PALM2AKAP2: variants seen among roughly 807,000 people sequenced by gnomAD.
PALM2AKAP2 encodes PALM2 and AKAP2 fusion, also known as PALM2-AKAP2 fusion protein.
PALM2AKAP2 carries 37 observed loss-of-function variants against 71.5 expected under a neutral mutation model. The ratio of observed to expected loss-of-function variants is 0.52; its 90% CI spans 0.40 to 0.68. The LOEUF (loss-of-function observed/expected upper bound fraction) is 0.68. Among genes scored for constraint, PALM2AKAP2 ranks in the 30% least tolerant of loss-of-function variants. The pLI, the probability that PALM2AKAP2 is intolerant of heterozygous loss-of-function variation, is 0.00. For missense variants in PALM2AKAP2, 1,224 were observed against 1,191.8 expected, an observed-to-expected ratio of 1.03 and a Z score of -0.40; for synonymous variants, 468 against 478.8, an observed-to-expected ratio of 0.98 and a Z score of 0.29.
intron 1 of PALM2AKAP2, among the ~76,000 whole-genome samples, chr9:109,667,878 A>G (rs536655763): frequency 1.7e-4 from 25 of 151,186 alleles, no homozygotes; most frequent in Middle Eastern, 6.8e-3. Flanking sequence ...TAAACAAATG[A>G]GGTAATATGC....
At chr9:109,816,200 A>G (rs756287390) in intron 1 of PALM2AKAP2, among the ~76,000 whole-genome samples, 4 of 152,172 alleles carry the variant, frequency 2.6e-5, no homozygotes, top group African/African-American at 4.8e-5. Context: ...TAGGTGTTTG[A>G]TCTTGGGAAA....
intron 1 of PALM2AKAP2, among the ~76,000 whole-genome samples, chr9:109,695,036 A>T (rs1587870971): frequency 6.6e-6 from 1 of 152,170 alleles, no homozygotes; most frequent in Non-Finnish European, 1.5e-5. Flanking sequence ...AATAAATTCC[A>T]GCCAGATCAA....
chr9:109,833,652 A>G (rs908138192), intron 1 of PALM2AKAP2, among the ~76,000 whole-genome samples: 8 of 152,174 alleles, frequency 5.3e-5, no homozygotes, highest in Non-Finnish European at 1.5e-5. Flanking sequence ...TGGTGGGACA[A>G]TTCTTCACTG....
intron 6 of PALM2AKAP2, chr9:109,945,935 A>G (rs1481075814): frequency 6.6e-6 from 1 of 152,252 alleles, no homozygotes; most frequent in Non-Finnish European, 1.5e-5. Context: ...TGATTAGCAA[A>G]TTATATGAAT....
intron 3 of PALM2AKAP2, among the ~76,000 whole-genome samples, chr9:109,888,875 G>A (rs1281799274): frequency 6.6e-6 from 1 of 152,044 alleles, no homozygotes; most frequent in East Asian, 1.9e-4. Flanking sequence ...TAGCATCCCT[G>A]GCCTCTACCT....
At chr9:110,036,020 C>T (rs1047153093) in intron 7 of PALM2AKAP2, among the ~76,000 whole-genome samples, 5 of 151,990 alleles carry the variant, frequency 3.3e-5, no homozygotes, top group Non-Finnish European at 7.4e-5. Context: ...CAGCTCACTG[C>T]AAGCTCCACC....
In PALM2AKAP2 at chr9:110,003,979, G is replaced by A. The variant is rs567944517; in HGVS notation, c.497-11975G>A. Among the ~76,000 whole-genome samples, 3 of 152,132 alleles carry A rather than the reference G, an allele frequency of 2.0e-5. No individual in the cohort carries two copies. In the East Asian group the frequency reaches 5.8e-4, roughly 29 times the overall value. On this transcript the variant is annotated intron_variant, in intron 6 of 9. Transcript: ENST00000302798. ...GCACACTGATGGGTCTTGACTCTTT[G>A]TCTAATTTGCCAGTCTGTGTCTTTT...
chr9:109,763,875 T>C (rs921211494), intron 1 of PALM2AKAP2, among the ~76,000 whole-genome samples: 1 of 152,138 alleles, frequency 6.6e-6, no homozygotes, highest in African/African-American at 2.4e-5. Context: ...TGTGTGTGTG[T>C]CTTAAATCTC....
At chr9:109,844,894 G>T (rs1184338667) in intron 1 of PALM2AKAP2, among the ~76,000 whole-genome samples, 1 of 151,386 alleles carries the variant, frequency 6.6e-6, no homozygotes, top group Non-Finnish European at 1.5e-5. Flanking sequence ...GGTCACAGGT[G>T]GCAGTCTTGT....
chr9:110,080,746 T>C (rs1834432099), intron 1 of PALM2AKAP2, among the ~76,000 whole-genome samples: 2 of 152,234 alleles, frequency 1.3e-5, no homozygotes, highest in South Asian at 4.1e-4. Context: ...TGGTGCGATC[T>C]TGGCTCACCA....
chr9:109,776,467 T>C (rs1037535886), upstream of PALM2AKAP2, among the ~76,000 whole-genome samples: 10 of 152,180 alleles, frequency 6.6e-5, no homozygotes, highest in African/African-American at 2.4e-4. Flanking sequence ...GAAGGAAGCT[T>C]GGGCAATGGG....
chr9:109,789,897 A>G (rs1189454763), intron 1 of PALM2AKAP2, among the ~76,000 whole-genome samples: 1 of 152,244 alleles, frequency 6.6e-6, no homozygotes, highest in Non-Finnish European at 1.5e-5. Flanking sequence ...TTAAATACAC[A>G]CAGAAAGGGA....
Position 110,091,817 on chromosome 9 carries a change from T to C in PALM2AKAP2, c.156+42962T>C, listed in dbSNP as rs142442418. Among the ~76,000 whole-genome samples, 20 of 152,280 alleles carry C rather than the reference T, an allele frequency of 1.3e-4. No individual in the cohort carries two copies. The East Asian group carries it at 3.7e-3, about 28-fold the overall frequency. ...TGAAATTCATTCTTTTTGCTGTACA[T>C]CTCTATGAGTTTAGATAAATGCTTA... On this transcript the variant is annotated intron_variant, in intron 1 of 3. Coordinates refer to ENST00000374525, the Ensembl canonical transcript of PALM2AKAP2.
At chr9:109,781,136 G>C (rs1427180093) in intron 1 of PALM2AKAP2, among the ~76,000 whole-genome samples, 1 of 152,176 alleles carries the variant, frequency 6.6e-6, no homozygotes, top group African/African-American at 2.4e-5. Context: ...CCTTCTTATG[G>C]TGTGGAGTAT....
At chr9:110,016,026 A>C (rs748965649) in exon 7 of PALM2AKAP2, 1 of 1,613,802 alleles carries the variant, frequency 6.2e-7, no homozygotes, top group African/African-American at 1.3e-5. Flanking sequence ...TCCGGCCCAG[A>C]CATGACTATC....
intron 1 of PALM2AKAP2, among the ~76,000 whole-genome samples, chr9:109,737,904 G>T (rs1467392134): frequency 6.6e-6 from 1 of 152,138 alleles, no homozygotes; most frequent in Non-Finnish European, 1.5e-5. Flanking sequence ...CATAACATTT[G>T]GGTGTTGGAA....
At chr9:110,126,773 C>T (rs1835616527) in intron 1 of PALM2AKAP2, among the ~76,000 whole-genome samples, 1 of 152,240 alleles carries the variant, frequency 6.6e-6, no homozygotes, top group South Asian at 2.1e-4. Context: ...ACCACACACA[C>T]TGTCTTCAGT....
upstream of PALM2AKAP2, chr9:110,048,602 G>A (rs539659437): frequency 1.7e-3 from 2,162 of 1,289,236 alleles, 29 homozygotes; most frequent in African/African-American, 0.03. Context: ...CTGGGCTACT[G>A]GAGGGGAAGC....
intron 1 of PALM2AKAP2, among the ~76,000 whole-genome samples, chr9:109,650,016 C>CT (rs1827204301): frequency 6.6e-6 from 1 of 152,150 alleles, no homozygotes; most frequent in Non-Finnish European, 1.5e-5. Context: ...GGTAATTGCT[C>CT]TTTTCCTTCT....
Sources: allele counts gnomAD v4.1 joint callset (sites outside exome capture counted in the v4.1 genomes callset), GRCh38; gene constraint gnomAD v4.1.1; transcripts MANE v1.5; gene names NCBI Gene and HGNC (gene_info 2026-07-23, HGNC 2026-07-21).